Variants in KIR3DL3 observed in about 807,000 individuals in gnomAD.
KIR3DL3 encodes the protein killer cell immunoglobulin like receptor, three Ig domains and long cytoplasmic tail 3, also known as killer cell immunoglobulin-like receptor 3DL3.
A neutral mutation model predicts 34.9 loss-of-function variants in KIR3DL3; 27 were observed. The observed-to-expected ratio is 0.77, with a 90% CI of 0.57 to 1.07. The LOEUF (loss-of-function observed/expected upper bound fraction) is 1.07, where lower values mean the gene tolerates loss of function less well. Among genes scored for constraint, KIR3DL3 ranks in the 50% least tolerant of loss-of-function variants. The pLI is 0.00. For missense variants in KIR3DL3, 681 were observed against 528.5 expected, an observed-to-expected ratio of 1.29 and a Z score of -2.83; for synonymous variants, 217 against 200.2, an observed-to-expected ratio of 1.08 and a Z score of -0.71.
At chr19:54,727,938 C>A in intron 4 of KIR3DL3, 28 bp downstream of exon 4, 1 of 1,576,564 alleles carries the variant, frequency 6.3e-7, no homozygotes, top group Non-Finnish European at 8.6e-7. Flanking sequence ...TGCCTCTCAC[C>A]CTTGCTGGGA....
Position 54,726,265 on chromosome 19 carries a change from TG to T in KIR3DL3, c.284del (p.Cys95PhefsTer20). ...CCCAGCACATGCAGGGACCTACAGA[TG>T]TTGCAGTTCACACCCACACTCCCCC... ...VTPAHAGTYR[C>X]CSSHPHSPTG... On this transcript the variant is annotated frameshift_variant, in exon 3 of 8. Coordinates refer to ENST00000291860, the MANE Select transcript of KIR3DL3 (RefSeq NM_153443.5). LOFTEE classifies it high-confidence loss of function. 1 of 1,613,894 alleles carries T rather than the reference TG, an allele frequency of 6.2e-7. No individual in the cohort carries two copies. Among genetic ancestry groups the T allele is most frequent in the Non-Finnish European group, 8.5e-7 (1 of 1,179,972 alleles).
At chr19:54,729,811 A>T in intron 5 of KIR3DL3, 25 bp downstream of exon 5, 1 of 1,584,318 alleles carries the variant, frequency 6.3e-7, no homozygotes, top group Non-Finnish European at 8.6e-7. Flanking sequence ...TGCCTGTCCC[A>T]TGTCTTGTGA....
At chr19:54,731,831 C>G (rs2146831137) in intron 5 of KIR3DL3, among the ~76,000 whole-genome samples, 1 of 151,868 alleles carries the variant, frequency 6.6e-6, no homozygotes, top group South Asian at 2.1e-4. Context: ...TTACCCACAC[C>G]TTTTTCTCTG....
chr19:54,734,105 T>G (rs2069146945), intron 5 of KIR3DL3, among the ~76,000 whole-genome samples: 1 of 152,176 alleles, frequency 6.6e-6, no homozygotes, highest in African/African-American at 2.4e-5. Flanking sequence ...TTAAGTCAGT[T>G]CTACTTCACT....
At chr19:54,734,957 A>T (rs2069301348) in intron 5 of KIR3DL3, among the ~76,000 whole-genome samples, 1 of 142,708 alleles carries the variant, frequency 7.0e-6, no homozygotes, top group South Asian at 2.4e-4. Flanking sequence ...TCTGTTCATG[A>T]TGGATCCACC....
chr19:54,724,443 T>C lies in KIR3DL3; in HGVS notation c.-54T>C. The C allele has an allele frequency of 6.2e-7, 1 of 1,611,610 alleles. No homozygotes were observed. Among genetic ancestry groups the C allele is most frequent in the Non-Finnish European group, 8.5e-7 (1 of 1,179,996 alleles). ...ACTGCATGAGCCCCTCACAACATCC[T>C]GTGTGCTGCTGAACTGAGCTGGGGC... On this transcript the variant is annotated 5_prime_UTR_variant, in exon 1 of 8. Transcript: ENST00000291860.
chr19:54,732,417 A>AT (rs1308531448), intron 5 of KIR3DL3, among the ~76,000 whole-genome samples: 1 of 69,766 alleles, frequency 1.4e-5, no homozygotes, highest in Admixed American at 1.6e-4. Flanking sequence ...CACTCGGCTA[A>AT]TTTTTTTGGT....
intron 5 of KIR3DL3, among the ~76,000 whole-genome samples, chr19:54,734,471 C>T (rs1263380531): frequency 6.6e-6 from 1 of 151,808 alleles, no homozygotes; most frequent in Non-Finnish European, 1.5e-5. Context: ...TGCAGTGTAT[C>T]TGGGGGAAAT....
intron 4 of KIR3DL3, among the ~76,000 whole-genome samples, chr19:54,728,908 TAGAC>T (rs1166029201): frequency 4.0e-5 from 6 of 148,616 alleles, no homozygotes; most frequent in Non-Finnish European, 6.0e-5. Flanking sequence ...AGACAGGTGA[TAGAC>T]AAATAGATGA....
intron 1 of KIR3DL3, among the ~76,000 whole-genome samples, chr19:54,724,944 T>C (rs1466056475): frequency 1.4e-4 from 18 of 128,278 alleles, no homozygotes; most frequent in African/African-American, 4.9e-4. Context: ...AGTGGAGATG[T>C]TGGCTTGGAG....
chr19:54,735,758 C>T, intron 6 of KIR3DL3, 62 bp from the exon 7 acceptor site: 2 of 1,590,570 alleles, frequency 1.3e-6, no homozygotes, highest in Non-Finnish European at 1.7e-6. Flanking sequence ...TTGGTATCTG[C>T]TTATGAAATG....
At chr19:54,729,072 C>CAG (rs1242419010) in intron 4 of KIR3DL3, among the ~76,000 whole-genome samples, 1 of 148,026 alleles carries the variant, frequency 6.8e-6, no homozygotes, top group African/African-American at 2.5e-5. Flanking sequence ...TGATAGATAA[C>CAG]AGAGAGATAG....
In KIR3DL3 at chr19:54,735,269, G is replaced by A. The variant is rs1161419551; in HGVS notation, c.966G>A (p.Leu322=). Residue 322 remains leucine (L), a synonymous_variant, in exon 6 of 8, where the codon CTG becomes CTA. Transcript: ENST00000291860. ...PVSVTGNSRN[L]HVLIGTSVVI... is the part of the protein sequence containing the mutation. ...TTCCTCCAGGTAACTCCAGAAACCT[G>A]CACGTTCTGATTGGGACCTCAGTGG... The A allele has an allele frequency of 4.0e-6, 6 of 1,508,810 alleles. No homozygotes were observed. Among genetic ancestry groups the A allele is most frequent in the South Asian group, 3.4e-5 (3 of 87,032 alleles). The allele number at this position is 1,508,810 out of a possible 1,614,324, so 93.5% of individuals were successfully genotyped here.
chr19:54,731,848 G>C (rs1402203344), intron 5 of KIR3DL3, among the ~76,000 whole-genome samples: 1 of 151,838 alleles, frequency 6.6e-6, no homozygotes, highest in Non-Finnish European at 1.5e-5. Flanking sequence ...TCTGAATCCT[G>C]CTCTGCCTTC....
intron 5 of KIR3DL3, among the ~76,000 whole-genome samples, chr19:54,731,371 G>A (rs753819924): frequency 3.3e-5 from 5 of 150,840 alleles, no homozygotes; most frequent in South Asian, 4.2e-4. Flanking sequence ...ATTTACATTC[G>A]TATCAGCAGT....
At chr19:54,734,401 A>G (rs1481147662) in intron 5 of KIR3DL3, among the ~76,000 whole-genome samples, 2 of 151,000 alleles carry the variant, frequency 1.3e-5, no homozygotes, top group Non-Finnish European at 3.0e-5. Context: ...CTACATTTCA[A>G]TGTGAGCCAG....
intron 5 of KIR3DL3, among the ~76,000 whole-genome samples, chr19:54,732,443 A>G (rs1452655220): frequency 1.3e-5 from 2 of 151,704 alleles, no homozygotes; most frequent in Non-Finnish European, 2.9e-5. Context: ...TTTTTAGTAG[A>G]AATGAGGTTT....
chr19:54,735,903 A>G lies in KIR3DL3; in HGVS notation c.1107+31A>G, dbSNP rs761286880. On this transcript the variant is annotated intron_variant, in intron 7 of 7. Transcript: ENST00000291860. ...TGCTCCTCCGCCCAGCCTCGTGGCT[A>G]GTCTTATTCCCAAAGAGTCCTGGAA... 2.5e-6 allele frequency: 4 copies of G among 1,605,956 alleles called. No individual in the cohort carries two copies. In the East Asian group the frequency reaches 6.7e-5, roughly 27 times the overall value.
intron 5 of KIR3DL3, among the ~76,000 whole-genome samples, chr19:54,734,223 A>T (rs1376582926): frequency 2.6e-5 from 4 of 151,702 alleles, no homozygotes; most frequent in Admixed American, 2.6e-4. Flanking sequence ...CTGTGTATCA[A>T]TCCCAATCCA....
Sources: allele counts gnomAD v4.1 joint callset (sites outside exome capture counted in the v4.1 genomes callset), GRCh38; gene constraint gnomAD v4.1.1; transcripts MANE v1.5; gene names NCBI Gene and HGNC (gene_info 2026-07-23, HGNC 2026-07-21).